PPP1R9A: variants seen among roughly 807,000 people sequenced by gnomAD.
PPP1R9A encodes protein phosphatase 1 regulatory subunit 9A.
PPP1R9A carries 59 observed loss-of-function variants against 141.9 expected under a neutral mutation model. The observed-to-expected ratio is 0.42, with a 90% CI of 0.34 to 0.52. The LOEUF is 0.52. PPP1R9A is among the 20% of genes least tolerant of loss of function. The probability of loss-of-function intolerance (pLI) is 0.10; values close to 1 mark genes in which losing one functional copy is unlikely to be tolerated. For synonymous variants in PPP1R9A, 500 were observed against 569.7 expected (o/e 0.88, Z 1.74); for missense variants, 1,444 against 1,611.9 (o/e 0.90, Z 1.78).
rs766666767 is a variant in PPP1R9A at position 94,943,868 on chromosome 7, TTG to T, written c.1395+32363_1395+32364del. On this transcript the variant is annotated intron_variant, in intron 2 of 19. Transcript: ENST00000433360. Reference sequence around the variant, plus strand: ...GTTGAGAAAATCAGTGAAGGACAAATTGTGACCTACATTTTAGCAAAAGTAGG... The same window carrying T: ...GTTGAGAAAATCAGTGAAGGACAAATTGACCTACATTTTAGCAAAAGTAGG... 2.2e-4 allele frequency among the ~76,000 whole-genome samples: 34 copies of T among 152,094 alleles called. 1 individual carries two copies. Among genetic ancestry groups the T allele is most frequent in the Non-Finnish European group, 4.4e-5 (3 of 67,988 alleles).
chr7:95,239,955 T>C (rs1797217446), intron 8 of PPP1R9A, among the ~76,000 whole-genome samples: 1 of 152,014 alleles, frequency 6.6e-6, no homozygotes, highest in Admixed American at 6.6e-5. Context: ...TTTTGGTTAG[T>C]TTTCTAAAGA....
At chr7:94,923,800 CAG>C (rs1397195456) in intron 2 of PPP1R9A, among the ~76,000 whole-genome samples, 2 of 152,034 alleles carry the variant, frequency 1.3e-5, no homozygotes, top group Admixed American at 6.6e-5. Flanking sequence ...TGTTGGGTGG[CAG>C]AGTTTTCTGA....
chr7:95,042,373 A>G (rs542006093), intron 2 of PPP1R9A, among the ~76,000 whole-genome samples: 31 of 152,338 alleles, frequency 2.0e-4, no homozygotes, highest in African/African-American at 7.2e-4. Flanking sequence ...GTTTTATTAG[A>G]AGAGTCAGAT....
chr7:95,285,009 A>C (rs1805014762), intron 17 of PPP1R9A, among the ~76,000 whole-genome samples: 1 of 152,184 alleles, frequency 6.6e-6, no homozygotes, highest in African/African-American at 2.4e-5. Context: ...CAACAGCTCA[A>C]AGGGTTTTGA....
chr7:94,968,123 G>C (rs542126862), intron 2 of PPP1R9A, among the ~76,000 whole-genome samples: 3 of 152,202 alleles, frequency 2.0e-5, no homozygotes, highest in Non-Finnish European at 2.9e-5. Context: ...TTTTAGGATA[G>C]TTAGCTCTTC....
intron 2 of PPP1R9A, among the ~76,000 whole-genome samples, chr7:95,090,560 G>A (rs937787572): frequency 1.3e-5 from 2 of 151,946 alleles, no homozygotes; most frequent in African/African-American, 2.4e-5. Context: ...TGTAATCTCA[G>A]CACTTTGGAG....
chr7:94,934,700 C>T (rs1527672), intron 2 of PPP1R9A, among the ~76,000 whole-genome samples: 87,010 of 151,694 alleles, frequency 0.57, 25,314 homozygotes, highest in South Asian at 0.73. Flanking sequence ...TCTGGAACTA[C>T]ATATATGTCT....
At chr7:95,269,537 A>G (rs1317801977) in intron 14 of PPP1R9A, 30 bp downstream of exon 14, 1 of 1,509,764 alleles carries the variant, frequency 6.6e-7, no homozygotes, top group Non-Finnish European at 9.1e-7. Context: ...CTGACTTCAT[A>G]ACACCTCAGC....
chr7:94,977,321 A>G (rs1421336424), intron 2 of PPP1R9A, among the ~76,000 whole-genome samples: 1 of 152,198 alleles, frequency 6.6e-6, no homozygotes, highest in Non-Finnish European at 1.5e-5. Context: ...CTGGGAAGAC[A>G]AGGAATCAGC....
intron 2 of PPP1R9A, among the ~76,000 whole-genome samples, chr7:95,042,413 A>G (rs780488481): frequency 1.3e-5 from 2 of 152,206 alleles, no homozygotes; most frequent in Non-Finnish European, 2.9e-5. Context: ...AGAACTTTTT[A>G]TATCAAATGA....
At chr7:94,965,831 A>G (rs1372064939) in intron 2 of PPP1R9A, among the ~76,000 whole-genome samples, 2 of 152,094 alleles carry the variant, frequency 1.3e-5, no homozygotes, top group African/African-American at 4.8e-5. Context: ...GTAAAATTAA[A>G]GTAGTTTTTT....
chr7:95,287,105 C>G, intron 18 of PPP1R9A: 1 of 1,612,144 alleles, frequency 6.2e-7, no homozygotes, highest in Non-Finnish European at 8.5e-7. Flanking sequence ...TGCTCCCTCA[C>G]TCAGAGCCTG....
chr7:95,164,741 C>CTTT (rs200177321), intron 5 of PPP1R9A, among the ~76,000 whole-genome samples: 148 of 65,886 alleles, frequency 2.2e-3, no homozygotes, highest in Non-Finnish European at 3.1e-3. Context: ...CTTTTCTTTT[C>CTTT]TTTTTTTTTT....
At chr7:95,023,845 C>A (rs1362527751) in intron 2 of PPP1R9A, among the ~76,000 whole-genome samples, 1 of 152,198 alleles carries the variant, frequency 6.6e-6, no homozygotes. Flanking sequence ...AGCCACCATG[C>A]CCGGCCTTCT....
chr7:95,059,313 C>T (rs1189206400), intron 2 of PPP1R9A, among the ~76,000 whole-genome samples: 1 of 152,154 alleles, frequency 6.6e-6, no homozygotes, highest in Non-Finnish European at 1.5e-5. Flanking sequence ...TTGATTATAA[C>T]AGCCATTCTT....
chr7:95,125,070 T>C (rs1823327264), intron 4 of PPP1R9A, among the ~76,000 whole-genome samples: 1 of 152,254 alleles, frequency 6.6e-6, no homozygotes, highest in Admixed American at 6.5e-5. Flanking sequence ...GTGTGTACTT[T>C]ATCCTATGAT....
At chr7:94,907,534 AGGCCGGAGAGGCCCCTCGCCCAC>A (rs964180154), upstream of PPP1R9A, 1 of 152,188 alleles carries the variant, frequency 6.6e-6, no homozygotes, top group African/African-American at 2.4e-5. Flanking sequence ...GCCTTGCCCC[AGGCCGGAGAGGCCCCTCGCCCAC>A]GGCCGAGGGG....
intron 7 of PPP1R9A, among the ~76,000 whole-genome samples, chr7:95,205,413 A>C (rs1790569739): frequency 6.6e-6 from 1 of 152,236 alleles, no homozygotes; most frequent in African/African-American, 2.4e-5. Context: ...TCAATATTAC[A>C]ATGATGAAAC....
At chr7:95,276,376 C>A (rs868436830) in intron 16 of PPP1R9A, among the ~76,000 whole-genome samples, 4 of 152,178 alleles carry the variant, frequency 2.6e-5, no homozygotes, top group African/African-American at 9.7e-5. Context: ...TCACTATAGG[C>A]AAAACCACAG....
Sources: gnomAD v4.1 joint callset for allele counts (sites outside exome capture counted in the v4.1 genomes callset) on GRCh38, gnomAD v4.1.1 for gene constraint, MANE v1.5 for transcripts, NCBI Gene and HGNC (gene_info 2026-07-23, HGNC 2026-07-21) for gene names.